FAM3C: variants seen among roughly 807,000 people sequenced by gnomAD.
The protein encoded by FAM3C is FAM3 metabolism regulating signaling molecule C, also known as protein FAM3C.
FAM3C carries 15 observed loss-of-function variants against 32.5 expected under a neutral mutation model. The ratio of observed to expected loss-of-function variants is 0.46; its 90% CI spans 0.31 to 0.71. FAM3C has a LOEUF of 0.71. FAM3C is among the 30% of genes least tolerant of loss of function. The pLI, the probability that FAM3C is intolerant of heterozygous loss-of-function variation, is 0.05. For missense variants in FAM3C, 175 were observed against 274.4 expected (o/e 0.64, Z 2.56); for synonymous variants, 75 against 86.1 (o/e 0.87, Z 0.72).
In FAM3C at chr7:121,371,380, G is replaced by A. The variant is rs374629285; in HGVS notation, c.192C>T (p.Cys64=). Residue 64 remains cysteine (C), a synonymous_variant, in exon 5 of 10, where the codon TGC becomes TGT. Transcript: ENST00000359943. ...TTTTAAAAGCAAAATGCTTCTCAGG[G>A]CAAGCTTTTGAGATCCCACACTTAT... ...PRYKCGISKA[C]PEKHFAFKMA... 9 of 1,613,858 alleles carry A rather than the reference G, an allele frequency of 5.6e-6. No individual in the cohort carries two copies. Among genetic ancestry groups the A allele is most frequent in the Non-Finnish European group, 7.6e-6 (9 of 1,179,816 alleles).
chr7:121,360,881 A>G (rs1793906030), intron 7 of FAM3C, among the ~76,000 whole-genome samples: 2 of 151,992 alleles, frequency 1.3e-5, no homozygotes, highest in South Asian at 4.2e-4. Context: ...AAGCATAACA[A>G]TGTTTGTATG....
chr7:121,355,126 T>C (rs1471697404), intron 8 of FAM3C, among the ~76,000 whole-genome samples: 2 of 152,176 alleles, frequency 1.3e-5, no homozygotes, highest in African/African-American at 2.4e-5. Flanking sequence ...GAGAATGATA[T>C]ATCATCCAAC....
chr7:121,361,543 T>C (rs1223318762), intron 7 of FAM3C, among the ~76,000 whole-genome samples: 2 of 152,198 alleles, frequency 1.3e-5, no homozygotes, highest in Non-Finnish European at 2.9e-5. Context: ...TGTAAGACTC[T>C]TTCTATCAAT....
intron 5 of FAM3C, among the ~76,000 whole-genome samples, chr7:121,366,841 G>C (rs1021967055): frequency 6.6e-6 from 1 of 152,166 alleles, no homozygotes; most frequent in African/African-American, 2.4e-5. Flanking sequence ...GTTTCTTTCA[G>C]AAATACATTC....
intron 1 of FAM3C, among the ~76,000 whole-genome samples, chr7:121,389,142 AGT>A (rs1794527417): frequency 6.6e-6 from 1 of 152,164 alleles, no homozygotes; most frequent in Non-Finnish European, 1.5e-5. Context: ...CCAAAGACTT[AGT>A]GTAGGGAGAG....
chr7:121,384,453 T>G (rs375165274), intron 1 of FAM3C, among the ~76,000 whole-genome samples: 159 of 152,318 alleles, frequency 1.0e-3, no homozygotes, highest in Middle Eastern at 6.8e-3. Context: ...AACATATACA[T>G]GCTTTTCCTG....
intron 5 of FAM3C, among the ~76,000 whole-genome samples, chr7:121,368,738 T>A (rs985509290): frequency 6.6e-6 from 1 of 152,048 alleles, no homozygotes. Flanking sequence ...TCCAGAGCTA[T>A]CCAATCTTAG....
At chr7:121,378,721 T>G (rs961922151) in intron 3 of FAM3C, among the ~76,000 whole-genome samples, 189 bp downstream of exon 3, 1 of 143,350 alleles carries the variant, frequency 7.0e-6, no homozygotes, top group African/African-American at 2.6e-5. Context: ...AATAGAAGAT[T>G]CATGTTTTAT....
intron 1 of FAM3C, among the ~76,000 whole-genome samples, chr7:121,392,535 T>C (rs1794598797): frequency 1.3e-5 from 2 of 152,186 alleles, no homozygotes; most frequent in Non-Finnish European, 2.9e-5. Context: ...AGATGAGATT[T>C]GAGTGGGGAC....
Position 121,350,568 on chromosome 7 carries a change from T to C in FAM3C, c.595-18A>G. The C allele has an allele frequency of 6.2e-7, 1 of 1,610,554 alleles. No individual in the cohort carries two copies. Among genetic ancestry groups the C allele is most frequent in the Non-Finnish European group, 8.5e-7 (1 of 1,177,964 alleles). On this transcript the variant is annotated intron_variant, in intron 9 of 9. Coordinates refer to ENST00000359943, the MANE Select transcript of FAM3C (RefSeq NM_014888.3). ...TTTATGTGCTATTGGAACACAGTAA[T>C]AATATACAGTTTAAAAAACCGTTGT...
chr7:121,382,115 C>T (rs1794369628), intron 2 of FAM3C, among the ~76,000 whole-genome samples: 1 of 152,070 alleles, frequency 6.6e-6, no homozygotes, highest in Non-Finnish European at 1.5e-5. Flanking sequence ...GTAAAGTATG[C>T]ATTTCTTCTA....
chr7:121,371,338 G>A lies in FAM3C; in HGVS notation c.234C>T (p.Ala78=), dbSNP rs1329230859. Residue 78 remains alanine, a synonymous_variant, in exon 5 of 10, where the codon GCC becomes GCT. Coordinates refer to ENST00000359943, the MANE Select transcript of FAM3C (RefSeq NM_014888.3). ...GGCAGATTTTGGGTCCCACCACGTT[G>A]GCTGCTCCACTTGCCATTTTAAAAG... ...HFAFKMASGA[A]NVVGPKICLE... is the part of the protein sequence containing the mutation. 1.9e-6 allele frequency: 3 copies of A among 1,613,648 alleles called. No individual in the cohort carries two copies. In the South Asian group the frequency reaches 3.3e-5, roughly 18 times the overall value.
At chr7:121,372,075 A>C in intron 4 of FAM3C, 35 bp downstream of exon 4, 1 of 1,544,622 alleles carries the variant, frequency 6.5e-7, no homozygotes, top group African/African-American at 1.4e-5. Context: ...AAGGCAGAAT[A>C]AATCATACAT....
At position 121,387,448 on chromosome 7, in the gene FAM3C, CAG is replaced by C. The variant is rs1186195378; in HGVS notation, c.-41-4440_-41-4439del. On this transcript the variant is annotated intron_variant, in intron 1 of 9. Coordinates refer to ENST00000359943, the MANE Select transcript of FAM3C (RefSeq NM_014888.3). ...TAGAAGTACTACTACAGATGTAGGA[CAG>C]ATGAAACAATCCTAATTTCTGTGCT... is the stretch of plus-strand genomic sequence containing the variant. 5.9e-5 allele frequency among the ~76,000 whole-genome samples: 9 copies of C among 152,224 alleles called. No individual in the cohort carries two copies. The East Asian group carries it at 1.7e-3, about 29-fold the overall frequency.
chr7:121,389,111 C>G, intron 1 of FAM3C, among the ~76,000 whole-genome samples: 1 of 152,086 alleles, frequency 6.6e-6, no homozygotes, highest in East Asian at 1.9e-4. Context: ...ATGAAAGTGC[C>G]CCATCTAGGC....
chr7:121,360,288 T>C (rs538372006), intron 7 of FAM3C, among the ~76,000 whole-genome samples, 161 bp from the exon 8 acceptor site: 2 of 152,324 alleles, frequency 1.3e-5, no homozygotes, highest in South Asian at 2.1e-4. Context: ...GTTTAAAAAC[T>C]GTTAAATTTG....
At chr7:121,359,515 T>C (rs181251448) in intron 8 of FAM3C, among the ~76,000 whole-genome samples, 1 of 152,180 alleles carries the variant, frequency 6.6e-6, no homozygotes, top group African/African-American at 2.4e-5. Context: ...ATGTTTACAC[T>C]GGGTAGTGAG....
At chr7:121,376,540 T>C (rs911220241) in intron 3 of FAM3C, among the ~76,000 whole-genome samples, 3 of 152,166 alleles carry the variant, frequency 2.0e-5, no homozygotes, top group Admixed American at 1.3e-4. Flanking sequence ...TTTAGAATAT[T>C]TGTATTACAC....
intron 6 of FAM3C, among the ~76,000 whole-genome samples, chr7:121,363,527 A>T (rs1283608268): frequency 2.0e-5 from 3 of 152,186 alleles, no homozygotes; most frequent in African/African-American, 7.2e-5. Context: ...CTATGAAACT[A>T]CAGTGGTTTC....
Sources: allele counts gnomAD v4.1 joint callset (sites outside exome capture counted in the v4.1 genomes callset), GRCh38; gene constraint gnomAD v4.1.1; transcripts MANE v1.5; gene names NCBI Gene and HGNC (gene_info 2026-07-23, HGNC 2026-07-21).